GPC5: variants seen among roughly 807,000 people sequenced by gnomAD.
GPC5 encodes the protein glypican 5.
Under a neutral mutation model 53.9 loss-of-function variants are expected in GPC5, and 47 were observed. The observed-to-expected ratio is 0.87, with a 90% CI of 0.69 to 1.11. GPC5 has a LOEUF of 1.11. Ranked by LOEUF, GPC5 falls within the 50% of genes most tolerant of loss-of-function variation. The pLI is 0.00. For missense variants in GPC5, 748 were observed against 713.1 expected (o/e 1.05, Z -0.56); for synonymous variants, 286 against 263.3 (o/e 1.09, Z -0.84).
At position 92,483,953 on chromosome 13, in the gene GPC5, T is replaced by C. The variant is rs375770690; in HGVS notation, c.1561+338964T>C. Among the ~76,000 whole-genome samples, 4 of 152,060 alleles carry C rather than the reference T, an allele frequency of 2.6e-5. No homozygotes were observed. In the South Asian group the frequency reaches 6.2e-4, roughly 24 times the overall value. On this transcript the variant is annotated intron_variant, in intron 7 of 7. Transcript: ENST00000377067. The stretch of plus-strand genomic sequence containing the variant: ...GAATTTGAGACATACCAGGACAACA[T>C]AGCAAAACCTTGTCTCTACAAAACA...
At chr13:92,610,030 C>CAAAAAAAAAAAA (rs56913637) in intron 7 of GPC5, among the ~76,000 whole-genome samples, 1 of 70,838 alleles carries the variant, frequency 1.4e-5, no homozygotes, top group Non-Finnish European at 2.5e-5. Flanking sequence ...GACTCCATCT[C>CAAAAAAAAAAAA]AAAAAAAAAA....
intron 2 of GPC5, among the ~76,000 whole-genome samples, chr13:91,592,909 A>C (rs545239647): frequency 7.2e-5 from 11 of 152,308 alleles, no homozygotes; most frequent in Middle Eastern, 3.4e-3. Flanking sequence ...AAGTCCTGGC[A>C]TGGCGGTCAG....
intron 2 of GPC5, among the ~76,000 whole-genome samples, chr13:91,546,788 A>C (rs1010026535): frequency 2.0e-5 from 3 of 152,110 alleles, no homozygotes; most frequent in South Asian, 2.1e-4. Flanking sequence ...GTTGAAAATC[A>C]TTGAAAGAAG....
At chr13:91,444,424 T>TTA (rs1880643207) in intron 1 of GPC5, among the ~76,000 whole-genome samples, 2 of 152,158 alleles carry the variant, frequency 1.3e-5, no homozygotes, top group Non-Finnish European at 2.9e-5. Context: ...CTCTTTTTTA[T>TTA]TATAGTAACT....
At chr13:92,580,014 T>C (rs1208227613) in intron 7 of GPC5, among the ~76,000 whole-genome samples, 2 of 152,198 alleles carry the variant, frequency 1.3e-5, no homozygotes, top group Non-Finnish European at 2.9e-5. Flanking sequence ...ATGACTTTAT[T>C]ATAGAGGTGA....
At chr13:92,654,292 T>C (rs1003151551) in intron 7 of GPC5, among the ~76,000 whole-genome samples, 3 of 152,220 alleles carry the variant, frequency 2.0e-5, no homozygotes, top group African/African-American at 7.2e-5. Flanking sequence ...TCTTCCCTTA[T>C]AACTCAATAT....
At chr13:91,522,441 A>G (rs1885869828) in intron 2 of GPC5, among the ~76,000 whole-genome samples, 1 of 152,188 alleles carries the variant, frequency 6.6e-6, no homozygotes, top group South Asian at 2.1e-4. Flanking sequence ...GTATCTGTAC[A>G]AATCAATTAT....
intron 2 of GPC5, among the ~76,000 whole-genome samples, chr13:91,620,683 G>A (rs1220871579): frequency 6.6e-6 from 1 of 152,118 alleles, no homozygotes; most frequent in South Asian, 2.1e-4. Context: ...TGCCAGGCTT[G>A]TAGATTTTCA....
At chr13:91,928,277 A>G (rs2139027594) in intron 6 of GPC5, among the ~76,000 whole-genome samples, 1 of 152,322 alleles carries the variant, frequency 6.6e-6, no homozygotes, top group African/African-American at 2.4e-5. Context: ...GTTGTTGTAA[A>G]TGACATTAAT....
At chr13:91,625,606 T>C (rs2033978421) in intron 2 of GPC5, among the ~76,000 whole-genome samples, 1 of 151,982 alleles carries the variant, frequency 6.6e-6, no homozygotes, top group Non-Finnish European at 1.5e-5. Context: ...AATTTAAAAT[T>C]TACACAGCCT....
chr13:91,686,952 T>C (rs2035636124), intron 2 of GPC5, among the ~76,000 whole-genome samples: 2 of 152,028 alleles, frequency 1.3e-5, no homozygotes, highest in African/African-American at 4.8e-5. Flanking sequence ...TCATCTGATT[T>C]TCTATGGTTG....
intron 7 of GPC5, among the ~76,000 whole-genome samples, chr13:92,675,612 A>G (rs535541918): frequency 8.6e-5 from 13 of 152,038 alleles, no homozygotes; most frequent in Non-Finnish European, 1.9e-4. Context: ...AAGTACGTGT[A>G]CAACAATGCC....
At chr13:91,795,048 T>G (rs149315594) in intron 5 of GPC5, among the ~76,000 whole-genome samples, 60 of 152,208 alleles carry the variant, frequency 3.9e-4, no homozygotes, top group African/African-American at 1.4e-3. Flanking sequence ...AAAGTCACTG[T>G]CTCTTTATGG....
intron 7 of GPC5, among the ~76,000 whole-genome samples, chr13:92,665,584 T>C (rs747835062): frequency 6.6e-6 from 1 of 152,150 alleles, no homozygotes; most frequent in Non-Finnish European, 1.5e-5. Flanking sequence ...TAAGAAATGT[T>C]GAAGGGTTGT....
intron 7 of GPC5, among the ~76,000 whole-genome samples, chr13:92,857,254 T>C (rs1370835930): frequency 6.6e-6 from 1 of 152,168 alleles, no homozygotes; most frequent in Non-Finnish European, 1.5e-5. Flanking sequence ...CTGGGAAAAC[T>C]GGCTAACCAT....
At chr13:91,409,370 G>A (rs1238293958) in intron 1 of GPC5, among the ~76,000 whole-genome samples, 1 of 152,064 alleles carries the variant, frequency 6.6e-6, no homozygotes, top group African/African-American at 2.4e-5. Context: ...AGTTCTTCAG[G>A]GTACTATTTG....
At chr13:92,716,616 T>G (rs1888335338) in intron 7 of GPC5, among the ~76,000 whole-genome samples, 1 of 152,182 alleles carries the variant, frequency 6.6e-6, no homozygotes. Context: ...ACAATGTATG[T>G]CTACAAAACA....
chr13:91,690,995 G>A (rs903058904), intron 2 of GPC5, among the ~76,000 whole-genome samples: 20 of 152,114 alleles, frequency 1.3e-4, no homozygotes, highest in African/African-American at 4.1e-4. Flanking sequence ...CCACTTCGCG[G>A]TTCTTAGCCA....
At chr13:92,618,115 G>T (rs1884757883) in intron 7 of GPC5, among the ~76,000 whole-genome samples, 1 of 152,114 alleles carries the variant, frequency 6.6e-6, no homozygotes, top group African/African-American at 2.4e-5. Context: ...GCTAGACTTT[G>T]CATCCTTTTC....
Sources: allele counts gnomAD v4.1 joint callset (sites outside exome capture counted in the v4.1 genomes callset), GRCh38; gene constraint gnomAD v4.1.1; transcripts MANE v1.5; gene names NCBI Gene and HGNC (gene_info 2026-07-23, HGNC 2026-07-21).